Variants in PCDH9 observed in about 807,000 individuals in gnomAD.
PCDH9 encodes protocadherin 9, also known as protocadherin-9.
In PCDH9, 24 loss-of-function variants were observed where a neutral mutation model predicts 70.6. The ratio of observed to expected loss-of-function variants is 0.34; its 90% CI spans 0.25 to 0.48. The LOEUF (loss-of-function observed/expected upper bound fraction) is 0.48, where lower values mean the gene tolerates loss of function less well. PCDH9 is among the 20% of genes least tolerant of loss of function. The probability of loss-of-function intolerance (pLI) is 0.99; values close to 1 mark genes in which losing one functional copy is unlikely to be tolerated. For missense variants in PCDH9, 1,281 were observed against 1,503.6 expected, an observed-to-expected ratio of 0.85 and a Z score of 2.45; for synonymous variants, 562 against 558.5, an observed-to-expected ratio of 1.01 and a Z score of -0.09.
At chr13:66,518,911 GC>G (rs1566386578) in intron 4 of PCDH9, among the ~76,000 whole-genome samples, 1 of 152,112 alleles carries the variant, frequency 6.6e-6, no homozygotes, top group Admixed American at 6.6e-5. Context: ...TCCAAGAAAG[GC>G]CCAAGGGCAT....
chr13:67,032,154 G>C (rs200333248), intron 2 of PCDH9, among the ~76,000 whole-genome samples: 6 of 151,720 alleles, frequency 4.0e-5, no homozygotes, highest in African/African-American at 1.5e-4. Context: ...CACTTTTTTG[G>C]GGGGGTGAGG....
chr13:66,804,335 TGAG>T (rs1489385727), intron 3 of PCDH9, among the ~76,000 whole-genome samples: 3 of 152,126 alleles, frequency 2.0e-5, no homozygotes, highest in Admixed American at 6.6e-5. Context: ...CACACACATG[TGAG>T]GAGAAGAGGA....
intron 4 of PCDH9, among the ~76,000 whole-genome samples, chr13:66,576,830 T>A (rs1330798096): frequency 1.3e-5 from 2 of 152,120 alleles, no homozygotes; most frequent in Non-Finnish European, 2.9e-5. Flanking sequence ...ATAGCTTCTA[T>A]GGGTAATTAA....
intron 2 of PCDH9, among the ~76,000 whole-genome samples, chr13:67,077,385 A>C (rs1025537194): frequency 2.0e-5 from 3 of 151,972 alleles, no homozygotes; most frequent in Non-Finnish European, 4.4e-5. Context: ...TTTGTTTTTC[A>C]ACCATCATTT....
chr13:66,387,941 A>C (rs1956957340), intron 4 of PCDH9, among the ~76,000 whole-genome samples: 1 of 152,182 alleles, frequency 6.6e-6, no homozygotes. Context: ...AATAAATTAA[A>C]TAGATTTAGA....
intron 2 of PCDH9, among the ~76,000 whole-genome samples, chr13:67,114,492 T>TA (rs1479380155): frequency 2.6e-5 from 4 of 152,212 alleles, no homozygotes; most frequent in Non-Finnish European, 5.9e-5. Context: ...CATGTACTCT[T>TA]ACAGTTTTTT....
chr13:66,443,209 C>G (rs962322310), intron 4 of PCDH9, among the ~76,000 whole-genome samples: 1 of 152,154 alleles, frequency 6.6e-6, no homozygotes, highest in Non-Finnish European at 1.5e-5. Context: ...TAGCCACAAA[C>G]TCAATGAACA....
intron 4 of PCDH9, among the ~76,000 whole-genome samples, chr13:66,572,169 C>A (rs965695925): frequency 7.9e-5 from 12 of 152,018 alleles, no homozygotes; most frequent in African/African-American, 2.9e-4. Context: ...ATAATCAAGT[C>A]AGGGTAATTA....
chr13:66,891,823 T>C (rs569255854), intron 3 of PCDH9, among the ~76,000 whole-genome samples: 1 of 152,110 alleles, frequency 6.6e-6, no homozygotes, highest in East Asian at 1.9e-4. Context: ...TCCATTTTTT[T>C]TTTGTTTTGT....
intron 4 of PCDH9, among the ~76,000 whole-genome samples, chr13:66,441,188 C>A (rs573511486): frequency 1.3e-5 from 2 of 152,304 alleles, no homozygotes; most frequent in South Asian, 4.1e-4. Flanking sequence ...GCTTCACCAG[C>A]AAGTGAAGTG....
chr13:66,491,806 T>C (rs1198631882), intron 4 of PCDH9, among the ~76,000 whole-genome samples: 1 of 152,194 alleles, frequency 6.6e-6, no homozygotes, highest in East Asian at 1.9e-4. Flanking sequence ...GGTCCATTTC[T>C]CTCTTCCTCT....
chr13:66,555,865 G>A lies in PCDH9; in HGVS notation c.3340+75345C>T, dbSNP rs117003845. Among the ~76,000 whole-genome samples, 448 of 148,504 alleles carry A rather than the reference G, an allele frequency of 3.0e-3. 1 individual carries two copies. The highest frequency in any genetic ancestry group is 7.2e-3 in the Middle Eastern group (2 of 278). On this transcript the variant is annotated intron_variant, in intron 4 of 4. Transcript: ENST00000377865. ...AAATTTTAAAAAACTCTAGATAATCGGTACTACAGTCACTATTGAAGTTTT... is the reference window on the plus strand; with the variant it reads ...AAATTTTAAAAAACTCTAGATAATCAGTACTACAGTCACTATTGAAGTTTT...
chr13:67,130,065 A>G (rs2087074783), intron 2 of PCDH9, among the ~76,000 whole-genome samples: 1 of 152,172 alleles, frequency 6.6e-6, no homozygotes, highest in Non-Finnish European at 1.5e-5. Flanking sequence ...CCATTTCTGC[A>G]TTTATGGGAA....
intron 2 of PCDH9, among the ~76,000 whole-genome samples, chr13:67,161,031 C>T (rs2087944443): frequency 6.6e-6 from 1 of 152,182 alleles, no homozygotes; most frequent in South Asian, 2.1e-4. Context: ...GAGCGATTCT[C>T]AGGAAGAGTA....
chr13:67,131,942 A>G (rs1482715683), intron 2 of PCDH9, among the ~76,000 whole-genome samples: 1 of 152,142 alleles, frequency 6.6e-6, no homozygotes, highest in Non-Finnish European at 1.5e-5. Flanking sequence ...TAAGAACTCA[A>G]TGCCTGCCTA....
intron 4 of PCDH9, among the ~76,000 whole-genome samples, chr13:66,590,438 A>G (rs1011133389): frequency 6.6e-6 from 1 of 151,992 alleles, no homozygotes; most frequent in South Asian, 2.1e-4. Context: ...ATCTAAGTTC[A>G]TGTTAAACTA....
At chr13:66,323,307 C>T (rs1434729496) in intron 4 of PCDH9, 1 of 151,946 alleles carries the variant, frequency 6.6e-6, no homozygotes, top group African/African-American at 2.4e-5. Context: ...AGGAAAGGAA[C>T]TATTATCACA....
chr13:66,540,305 AAT>A (rs2138655168), intron 4 of PCDH9, among the ~76,000 whole-genome samples: 1 of 152,306 alleles, frequency 6.6e-6, no homozygotes, highest in Admixed American at 6.5e-5. Context: ...CTGAAAAGCA[AAT>A]TGTAGGCTCA....
At chr13:66,446,111 G>T (rs542021336) in intron 4 of PCDH9, among the ~76,000 whole-genome samples, 2 of 152,008 alleles carry the variant, frequency 1.3e-5, no homozygotes, top group African/African-American at 4.8e-5. Flanking sequence ...AATAATCAGG[G>T]TTTATATGTG....
Sources: gnomAD v4.1 joint callset for allele counts (sites outside exome capture counted in the v4.1 genomes callset) on GRCh38, gnomAD v4.1.1 for gene constraint, MANE v1.5 for transcripts, NCBI Gene and HGNC (gene_info 2026-07-23, HGNC 2026-07-21) for gene names.